Variants in ROBO2 observed in about 807,000 individuals in gnomAD.
ROBO2 encodes the protein roundabout guidance receptor 2.
ROBO2 carries 53 observed loss-of-function variants against 160.8 expected under a neutral mutation model. That is an observed-to-expected ratio of 0.33 (90% CI 0.26 to 0.41). The LOEUF is 0.41. ROBO2 is among the 10% of genes least tolerant of loss of function. The pLI, the probability that ROBO2 is intolerant of heterozygous loss-of-function variation, is 1.00. For missense variants in ROBO2, 1,577 were observed against 1,722.4 expected (o/e 0.92, Z 1.49); for synonymous variants, 664 against 611.7 (o/e 1.09, Z -1.26).
At chr3:75,950,218 A>G (rs1183141273) in intron 2 of ROBO2, among the ~76,000 whole-genome samples, 1 of 152,148 alleles carries the variant, frequency 6.6e-6, no homozygotes, top group African/African-American at 2.4e-5. Flanking sequence ...AAAACAAGAA[A>G]CAAATTCAAT....
intron 2 of ROBO2, among the ~76,000 whole-genome samples, chr3:76,853,296 G>A (rs1046592093): frequency 6.6e-6 from 1 of 151,994 alleles, no homozygotes; most frequent in Non-Finnish European, 1.5e-5. Flanking sequence ...GACTCTAAAT[G>A]TATTACTTTT....
chr3:76,121,843 GAC>G (rs2070765608), intron 2 of ROBO2, among the ~76,000 whole-genome samples: 1 of 149,316 alleles, frequency 6.7e-6, no homozygotes, highest in South Asian at 2.1e-4. Context: ...CTTTGAGGCA[GAC>G]AGTCTCTAAA....
intron 2 of ROBO2, among the ~76,000 whole-genome samples, chr3:76,653,494 A>G (rs2109920923): frequency 6.6e-6 from 1 of 152,046 alleles, no homozygotes. Context: ...CGACAAAGCC[A>G]AAGTAATGAT....
At chr3:77,322,577 T>G (rs2064833077) in intron 2 of ROBO2, among the ~76,000 whole-genome samples, 1 of 151,604 alleles carries the variant, frequency 6.6e-6, no homozygotes, top group Non-Finnish European at 1.5e-5. Flanking sequence ...CTAGGTAATC[T>G]GTAAGTAAGG....
chr3:76,497,145 C>T (rs1243088459), intron 2 of ROBO2, among the ~76,000 whole-genome samples: 1 of 152,158 alleles, frequency 6.6e-6, no homozygotes, highest in African/African-American at 2.4e-5. Flanking sequence ...AGGGCCTTTG[C>T]ACGTATACTT....
At chr3:77,083,172 T>A (rs990323385) in intron 1 of ROBO2, among the ~76,000 whole-genome samples, 1 of 152,214 alleles carries the variant, frequency 6.6e-6, no homozygotes, top group African/African-American at 2.4e-5. Context: ...TAAGTGATGT[T>A]CTGGCACCTT....
At position 77,393,443 on chromosome 3, in the gene ROBO2, G is replaced by A. The variant is rs2074949799; in HGVS notation, c.389-83971G>A. Among the ~76,000 whole-genome samples, 2 of 151,868 alleles carry A rather than the reference G, an allele frequency of 1.3e-5. 1 individual carries two copies. Among genetic ancestry groups the A allele is most frequent in the South Asian group, 4.1e-4 (2 of 4,824 alleles). ...TCTATCTCATTGTATATGCTAAAAT[G>A]TTGTTTTTCAAGGACAGAAGAAAAG... On this transcript the variant is annotated intron_variant, in intron 2 of 25. Transcript: ENST00000461745.
intron 2 of ROBO2, among the ~76,000 whole-genome samples, chr3:75,991,825 G>C (rs2065582079): frequency 6.6e-6 from 1 of 152,180 alleles, no homozygotes; most frequent in Non-Finnish European, 1.5e-5. Flanking sequence ...ATAATATCCA[G>C]GTGGGGGAGA....
intron 2 of ROBO2, among the ~76,000 whole-genome samples, chr3:76,009,867 A>C (rs1475751035): frequency 6.6e-6 from 1 of 152,202 alleles, no homozygotes; most frequent in Non-Finnish European, 1.5e-5. Context: ...CAATTAGATA[A>C]ATTATTTTTT....
chr3:76,508,598 C>CA (rs2080916284), intron 2 of ROBO2, among the ~76,000 whole-genome samples: 1 of 152,084 alleles, frequency 6.6e-6, no homozygotes, highest in Non-Finnish European at 1.5e-5. Context: ...AATCATTAAT[C>CA]TATTTATTTT....
chr3:76,843,555 T>A (rs1462667572), intron 2 of ROBO2, among the ~76,000 whole-genome samples: 2 of 152,152 alleles, frequency 1.3e-5, no homozygotes, highest in East Asian at 3.9e-4. Flanking sequence ...ATCTTCTTCT[T>A]GAGTTATTTA....
intron 2 of ROBO2, among the ~76,000 whole-genome samples, chr3:77,308,010 G>C (rs1485178954): frequency 6.6e-6 from 1 of 151,110 alleles, no homozygotes; most frequent in East Asian, 1.9e-4. Context: ...TCTAGGAAAT[G>C]TGAAATTTCT....
chr3:75,990,140 T>A (rs1249541271), intron 2 of ROBO2, among the ~76,000 whole-genome samples: 2 of 152,232 alleles, frequency 1.3e-5, no homozygotes, highest in African/African-American at 2.4e-5. Context: ...TATATCTCAA[T>A]TGTATTTATT....
intron 2 of ROBO2, among the ~76,000 whole-genome samples, chr3:76,085,720 G>T (rs2068990551): frequency 6.6e-6 from 1 of 152,150 alleles, no homozygotes; most frequent in African/African-American, 2.4e-5. Flanking sequence ...AGTAACACCT[G>T]TGGGAACCAG....
intron 2 of ROBO2, among the ~76,000 whole-genome samples, chr3:77,208,298 A>G (rs1036395377): frequency 3.3e-5 from 5 of 152,234 alleles, no homozygotes; most frequent in Non-Finnish European, 5.9e-5. Flanking sequence ...CTTTGGATAA[A>G]ATATCTAGCA....
At chr3:77,370,346 C>T (rs926677721) in intron 2 of ROBO2, among the ~76,000 whole-genome samples, 6 of 152,150 alleles carry the variant, frequency 3.9e-5, no homozygotes, top group African/African-American at 1.4e-4. Flanking sequence ...TCCTTAGTAG[C>T]GTAAATGAAC....
intron 2 of ROBO2, among the ~76,000 whole-genome samples, chr3:76,533,047 T>C (rs137987724): frequency 3.3e-5 from 5 of 152,340 alleles, no homozygotes; most frequent in African/African-American, 7.2e-5. Context: ...TGAAGAAATA[T>C]TCAAAATCTC....
At chr3:76,242,452 C>T (rs998170522) in intron 2 of ROBO2, among the ~76,000 whole-genome samples, 2 of 152,278 alleles carry the variant, frequency 1.3e-5, no homozygotes, top group Middle Eastern at 3.4e-3. Flanking sequence ...TCAGAGCTTC[C>T]TGGTAGAATC....
intron 2 of ROBO2, among the ~76,000 whole-genome samples, chr3:77,158,896 A>G (rs922266490): frequency 1.4e-4 from 21 of 152,252 alleles, no homozygotes; most frequent in Non-Finnish European, 2.4e-4. Flanking sequence ...AGAAAAACAC[A>G]TCATGGGTTC....
Sources: gnomAD v4.1 joint callset for allele counts (sites outside exome capture counted in the v4.1 genomes callset) on GRCh38, gnomAD v4.1.1 for gene constraint, MANE v1.5 for transcripts, NCBI Gene and HGNC (gene_info 2026-07-23, HGNC 2026-07-21) for gene names.